The following M1AP variants were observed in gnomAD, a reference collection of about 807,000 sequenced individuals.
M1AP encodes the protein meiosis 1 associated protein.
Under a neutral mutation model 51.2 loss-of-function variants are expected in M1AP, and 39 were observed. The ratio of observed to expected loss-of-function variants is 0.76; its 90% CI spans 0.59 to 1.00. The LOEUF (loss-of-function observed/expected upper bound fraction) is 1.00, where lower values mean the gene tolerates loss of function less well. Among genes scored for constraint, M1AP ranks in the 50% least tolerant of loss-of-function variants. The pLI is 0.00. For synonymous variants in M1AP, 251 were observed against 249.2 expected (o/e 1.01, Z -0.07); for missense variants, 545 against 641.2 (o/e 0.85, Z 1.62).
At chr2:74,581,957 AC>A in intron 4 of M1AP, 110 bp from the exon 5 acceptor site, 1 of 956,670 alleles carries the variant, frequency 1.0e-6, no homozygotes, top group Non-Finnish European at 1.6e-6. Context: ...TCATTATGTC[AC>A]CCAGGCTAAA....
At chr2:74,635,060 T>C (rs984912816) in intron 2 of M1AP, among the ~76,000 whole-genome samples, 5 of 152,154 alleles carry the variant, frequency 3.3e-5, no homozygotes, top group African/African-American at 1.2e-4. Flanking sequence ...GTAGAATTGA[T>C]GTTATTTTTC....
At chr2:74,576,339 G>A (rs1035537533) in intron 6 of M1AP, 117 bp downstream of exon 6, 11 of 1,120,680 alleles carry the variant, frequency 9.8e-6, no homozygotes, top group Middle Eastern at 3.0e-4. Context: ...CTGCTACTTC[G>A]GAACTGACTC....
intron 7 of M1AP, among the ~76,000 whole-genome samples, chr2:74,565,825 TCACACACACACACACACACA>T (rs72206117): frequency 2.2e-4 from 30 of 138,096 alleles, no homozygotes; most frequent in African/African-American, 7.7e-4. Flanking sequence ...TGAGATGCCG[TCACACACACACACACACACA>T]CACACACACA....
intron 4 of M1AP, among the ~76,000 whole-genome samples, chr2:74,596,770 G>A (rs903785378): frequency 1.3e-5 from 2 of 152,152 alleles, no homozygotes; most frequent in Admixed American, 6.5e-5. Flanking sequence ...ACACATTCAT[G>A]CAATATACCA....
In M1AP at chr2:74,560,154, TCTCGGAG is replaced by T; in HGVS notation, c.1412_1418del (p.Ala471GlufsTer24). 4 of 1,613,532 alleles carry T rather than the reference TCTCGGAG, an allele frequency of 2.5e-6. No homozygotes were observed. Among genetic ancestry groups the T allele is most frequent in the Non-Finnish European group, 3.4e-6 (4 of 1,179,902 alleles). On this transcript the variant is annotated frameshift_variant, in exon 9 of 11. Coordinates refer to ENST00000421985, the MANE Select transcript of M1AP (RefSeq NM_001321739.2). LOFTEE classifies it low-confidence loss of function (END_TRUNC). ...GAGGGAAGGAGGGGAGCGGTACCTT[TCTCGGAG>T]CTCGGCTCTCCCAGTGTGGGTGGAG...
intron 4 of M1AP, among the ~76,000 whole-genome samples, chr2:74,598,621 C>CTTTT (rs534856535): frequency 3.5e-5 from 4 of 114,396 alleles, no homozygotes; most frequent in Non-Finnish European, 5.1e-5. Flanking sequence ...TGTATATCAA[C>CTTTT]TTTTTTTTTT....
chr2:74,604,681 A>C (rs1680869197), intron 4 of M1AP, among the ~76,000 whole-genome samples: 1 of 152,182 alleles, frequency 6.6e-6, no homozygotes. Flanking sequence ...CCCTGCTCTA[A>C]GACACAGTTT....
At chr2:74,630,499 C>G (rs577301228) in intron 2 of M1AP, among the ~76,000 whole-genome samples, 1 of 152,122 alleles carries the variant, frequency 6.6e-6, no homozygotes, top group African/African-American at 2.4e-5. Context: ...GCCTCCTCAA[C>G]GGGCCCCAGT....
intron 2 of M1AP, among the ~76,000 whole-genome samples, chr2:74,626,257 G>GGTTTTTTTTTTTTTTTTT (rs1682384244): frequency 1.6e-5 from 2 of 125,932 alleles, no homozygotes; most frequent in Non-Finnish European, 1.7e-5. Flanking sequence ...CTATATTTCA[G>GGTTTTTTTTTTTTTTTTT]TTTTTTTTTT....
chr2:74,577,316 A>G (rs1484933264), intron 5 of M1AP, among the ~76,000 whole-genome samples: 6 of 152,194 alleles, frequency 3.9e-5, no homozygotes, highest in Non-Finnish European at 7.4e-5. Flanking sequence ...TCATCTAGGT[A>G]TTTTACTCTT....
chr2:74,595,675 A>G (rs996442943), intron 4 of M1AP, among the ~76,000 whole-genome samples: 1 of 152,192 alleles, frequency 6.6e-6, no homozygotes, highest in African/African-American at 2.4e-5. Flanking sequence ...GTTTATGTAG[A>G]TGTAATACAC....
intron 4 of M1AP, among the ~76,000 whole-genome samples, chr2:74,602,349 C>G (rs915784159): frequency 2.6e-5 from 4 of 152,080 alleles, no homozygotes; most frequent in Non-Finnish European, 4.4e-5. Context: ...TCACTTGAGA[C>G]CTGGCCATTA....
intron 2 of M1AP, 87 bp from the exon 3 acceptor site, chr2:74,615,236 C>T: frequency 8.4e-7 from 1 of 1,184,752 alleles, no homozygotes; most frequent in Non-Finnish European, 1.2e-6. Flanking sequence ...TAAATAATTC[C>T]TCAGAAGTTC....
At chr2:74,623,205 G>A (rs1682170505) in intron 2 of M1AP, among the ~76,000 whole-genome samples, 1 of 152,028 alleles carries the variant, frequency 6.6e-6, no homozygotes. Flanking sequence ...ATAATTGAGA[G>A]TAAAATAATG....
Position 74,569,909 on chromosome 2 carries a change from CGTGT to C in M1AP, c.1074+5525_1074+5528del, listed in dbSNP as rs145070644. ...GTGTGTGTATGTGTGTGTGTGCATG[CGTGT>C]GTGTGTGTGTGTGTGTGTGTGAAAG... On this transcript the variant is annotated intron_variant, in intron 7 of 10. Transcript: ENST00000421985. Among the ~76,000 whole-genome samples, 798 of 143,336 alleles carry C rather than the reference CGTGT, an allele frequency of 5.6e-3. 4 individuals are homozygous for C. The highest frequency in any genetic ancestry group is 0.016 in the African/African-American group (649 of 39,440). 94.0% of individuals were successfully genotyped at this position (143,336 alleles called of 152,430 possible). A position where few individuals can be genotyped will look rare whatever the true frequency, so the allele number is the denominator to read the frequency against.
intron 2 of M1AP, among the ~76,000 whole-genome samples, chr2:74,638,254 A>G (rs1259173694): frequency 6.6e-6 from 1 of 151,772 alleles, no homozygotes; most frequent in Non-Finnish European, 1.5e-5. Context: ...GGGTTTTACC[A>G]TGTTGGCCAG....
chr2:74,572,126 T>C (rs1678783206), intron 7 of M1AP, among the ~76,000 whole-genome samples: 1 of 152,166 alleles, frequency 6.6e-6, no homozygotes, highest in East Asian at 1.9e-4. Flanking sequence ...GAGTAAGCCG[T>C]TGTTATGAGT....
intron 3 of M1AP, among the ~76,000 whole-genome samples, chr2:74,613,545 A>AT (rs35499778): frequency 0.33 from 50,198 of 151,984 alleles, 13,083 homozygotes; most frequent in East Asian, 0.82. Flanking sequence ...GAAGTTGAGT[A>AT]TTCCTTTCTG....
intron 2 of M1AP, chr2:74,628,700 ATTCT>A: frequency 1.5e-6 from 1 of 671,424 alleles, no homozygotes; most frequent in Non-Finnish European, 2.6e-6. Flanking sequence ...TACCTGTGAT[ATTCT>A]TTGCTGCCCA....
Sources: allele counts gnomAD v4.1 joint callset (sites outside exome capture counted in the v4.1 genomes callset), GRCh38; gene constraint gnomAD v4.1.1; transcripts MANE v1.5; gene names NCBI Gene and HGNC (gene_info 2026-07-23, HGNC 2026-07-21).